Variants in TSHZ2 observed in about 807,000 individuals in gnomAD.
TSHZ2 encodes the protein teashirt zinc finger homeobox 2.
In TSHZ2, 21 loss-of-function variants were observed where a neutral mutation model predicts 74.4. That is an observed-to-expected ratio of 0.28 (90% CI 0.20 to 0.41). TSHZ2 has a LOEUF of 0.41. Among genes scored for constraint, TSHZ2 ranks in the 10% least tolerant of loss-of-function variants. The pLI is 1.00. For missense variants in TSHZ2, 1,244 were observed against 1,293.5 expected (o/e 0.96, Z 0.59); for synonymous variants, 540 against 515.3 (o/e 1.05, Z -0.65).
chr20:53,290,203 C>G (rs1991253876), intron 2 of TSHZ2, among the ~76,000 whole-genome samples: 1 of 151,970 alleles, frequency 6.6e-6, no homozygotes, highest in Non-Finnish European at 1.5e-5. Flanking sequence ...ACCACAATCC[C>G]CACCACCTCC....
At chr20:53,055,644 A>G (rs961627369) in intron 1 of TSHZ2, among the ~76,000 whole-genome samples, 33 of 152,034 alleles carry the variant, frequency 2.2e-4, no homozygotes, top group African/African-American at 8.0e-4. Flanking sequence ...CATTTTTTTC[A>G]GTTGATATTT....
intron 1 of TSHZ2, among the ~76,000 whole-genome samples, chr20:53,077,245 T>C (rs1194233503): frequency 1.0e-5 from 1 of 96,094 alleles, no homozygotes; most frequent in Non-Finnish European, 2.3e-5. Flanking sequence ...AAACCCTGTA[T>C]CTACTAAAAT....
chr20:53,132,937 T>C (rs1987144224), intron 1 of TSHZ2, among the ~76,000 whole-genome samples: 1 of 152,188 alleles, frequency 6.6e-6, no homozygotes, highest in South Asian at 2.1e-4. Context: ...TCCTCTCTTA[T>C]TCTCTTTCTA....
intron 1 of TSHZ2, among the ~76,000 whole-genome samples, chr20:53,011,844 T>A (rs1982861756): frequency 6.6e-6 from 1 of 152,190 alleles, no homozygotes; most frequent in Non-Finnish European, 1.5e-5. Flanking sequence ...ATGGTTCAAC[T>A]TCTTTGAGTC....
At chr20:53,481,875 G>T (rs922717663) in intron 2 of TSHZ2, among the ~76,000 whole-genome samples, 2 of 152,078 alleles carry the variant, frequency 1.3e-5, no homozygotes, top group African/African-American at 4.8e-5. Flanking sequence ...AGGCCGAGGT[G>T]GGTGGATCTC....
chr20:53,294,110 G>A (rs559123625), intron 2 of TSHZ2, among the ~76,000 whole-genome samples: 50 of 152,256 alleles, frequency 3.3e-4, no homozygotes, highest in South Asian at 2.1e-3. Context: ...GGGAAGAGGC[G>A]CACACAGGCA....
intron 1 of TSHZ2, among the ~76,000 whole-genome samples, chr20:53,149,776 C>T (rs1447047437): frequency 2.0e-5 from 3 of 152,182 alleles, no homozygotes; most frequent in Admixed American, 6.5e-5. Flanking sequence ...CAATAAATCA[C>T]GAGGCAAAAC....
At chr20:53,159,177 G>T (rs937659557) in intron 1 of TSHZ2, among the ~76,000 whole-genome samples, 1 of 152,162 alleles carries the variant, frequency 6.6e-6, no homozygotes, top group Non-Finnish European at 1.5e-5. Flanking sequence ...ATCAATTGAT[G>T]TGCCAAAGTT....
chr20:53,384,086 C>G (rs1350375206), intron 2 of TSHZ2, among the ~76,000 whole-genome samples: 1 of 152,114 alleles, frequency 6.6e-6, no homozygotes, highest in East Asian at 1.9e-4. Context: ...CCAGGGAAGG[C>G]CCCCAGAGAC....
intron 1 of TSHZ2, among the ~76,000 whole-genome samples, chr20:52,999,603 G>T (rs186292677): frequency 1.1e-3 from 162 of 152,214 alleles, no homozygotes; most frequent in Admixed American, 1.8e-3. Context: ...CAGAGCAAAC[G>T]GCCAGTCTAG....
rs185051447 is a variant in TSHZ2, at chr20:53,197,833, C to T, written c.41-55666C>T. On this transcript the variant is annotated intron_variant, in intron 1 of 2. Transcript: ENST00000371497. Reference sequence around the variant, plus strand: ...GAGCTTATATGGTTTTTTCCAGCACCAAGGGAGGACATTTTTCAGCTCAAC... The same window carrying T: ...GAGCTTATATGGTTTTTTCCAGCACTAAGGGAGGACATTTTTCAGCTCAAC... 2.7e-3 allele frequency among the ~76,000 whole-genome samples: 405 copies of T among 152,152 alleles called. 2 individuals carry two copies. Among genetic ancestry groups the T allele is most frequent in the African/African-American group, 9.3e-3 (386 of 41,494 alleles).
intron 1 of TSHZ2, among the ~76,000 whole-genome samples, chr20:52,998,999 C>T (rs528268673): frequency 6.6e-6 from 1 of 152,318 alleles, no homozygotes. Context: ...ACTTAATCCT[C>T]ACAACATTTT....
At chr20:53,451,707 A>T (rs902017592) in intron 2 of TSHZ2, among the ~76,000 whole-genome samples, 1 of 152,084 alleles carries the variant, frequency 6.6e-6, no homozygotes, top group African/African-American at 2.4e-5. Context: ...TTTCTTTTTC[A>T]TACTTTTCTC....
intron 2 of TSHZ2, among the ~76,000 whole-genome samples, chr20:53,484,640 C>G (rs1230707605): frequency 6.6e-6 from 1 of 152,124 alleles, no homozygotes; most frequent in African/African-American, 2.4e-5. Flanking sequence ...CCCGCCGTTG[C>G]CTCCCAAGGT....
intron 2 of TSHZ2, among the ~76,000 whole-genome samples, chr20:53,350,227 C>T (rs1413257840): frequency 1.3e-5 from 2 of 152,214 alleles, no homozygotes; most frequent in Admixed American, 6.5e-5. Flanking sequence ...ATCTCAGGGA[C>T]ATTTATTCAG....
At chr20:53,346,369 A>G in intron 2 of TSHZ2, among the ~76,000 whole-genome samples, 1 of 152,172 alleles carries the variant, frequency 6.6e-6, no homozygotes, top group African/African-American at 2.4e-5. Flanking sequence ...CACGACAGAA[A>G]ATAGGAAGGG....
intron 1 of TSHZ2, among the ~76,000 whole-genome samples, chr20:53,166,494 G>A (rs1404146635): frequency 2.0e-5 from 3 of 152,182 alleles, no homozygotes; most frequent in Non-Finnish European, 2.9e-5. Context: ...AATTAGGCCA[G>A]GAGTGGTGGC....
intron 2 of TSHZ2, among the ~76,000 whole-genome samples, chr20:53,402,402 G>T (rs936372008): frequency 2.0e-5 from 3 of 152,120 alleles, no homozygotes; most frequent in African/African-American, 7.2e-5. Context: ...CTCAGTACAG[G>T]CCCATGTTGT....
chr20:53,348,566 A>G (rs1276694996), intron 2 of TSHZ2, among the ~76,000 whole-genome samples: 1 of 152,150 alleles, frequency 6.6e-6, no homozygotes, highest in Admixed American at 6.5e-5. Flanking sequence ...CCCAAAAGAA[A>G]CAAAGAAACA....
Sources: allele counts gnomAD v4.1 joint callset (sites outside exome capture counted in the v4.1 genomes callset), GRCh38; gene constraint gnomAD v4.1.1; transcripts MANE v1.5; gene names NCBI Gene and HGNC (gene_info 2026-07-23, HGNC 2026-07-21).